The following NTM variants were observed in gnomAD, a reference collection of about 807,000 sequenced individuals.
NTM encodes the protein neurotrimin.
NTM carries 13 observed loss-of-function variants against 42.1 expected under a neutral mutation model. That is an observed-to-expected ratio of 0.31 (90% CI 0.20 to 0.49). The LOEUF (loss-of-function observed/expected upper bound fraction) is 0.49, where lower values mean the gene tolerates loss of function less well. Ranked by LOEUF, NTM falls within the 20% of genes least tolerant of loss-of-function variation. The pLI is 0.99. For missense variants in NTM, 373 were observed against 452.8 expected, an observed-to-expected ratio of 0.82 and a Z score of 1.60; for synonymous variants, 187 against 179.2, an observed-to-expected ratio of 1.04 and a Z score of -0.35.
At chr11:131,870,177 C>T (rs887716854) in intron 1 of NTM, among the ~76,000 whole-genome samples, 1 of 152,142 alleles carries the variant, frequency 6.6e-6, no homozygotes, top group Non-Finnish European at 1.5e-5. Flanking sequence ...AAAATAGTTC[C>T]ATGCTGAAGT....
intron 2 of NTM, among the ~76,000 whole-genome samples, chr11:131,954,629 C>CTT (rs34845794): frequency 6.0e-4 from 90 of 151,232 alleles, no homozygotes; most frequent in African/African-American, 1.2e-3. Context: ...TTATAGAATA[C>CTT]TTTTTTTTTA....
chr11:131,453,017 C>T (rs1950600252), intron 1 of NTM, among the ~76,000 whole-genome samples: 1 of 152,186 alleles, frequency 6.6e-6, no homozygotes, highest in Non-Finnish European at 1.5e-5. Context: ...TCTCCCAAAA[C>T]CGTATTTCCA....
chr11:131,727,406 G>T (rs1005929541), intron 1 of NTM, among the ~76,000 whole-genome samples: 1 of 152,130 alleles, frequency 6.6e-6, no homozygotes, highest in Non-Finnish European at 1.5e-5. Flanking sequence ...ACAGCTGCTG[G>T]GACAGCTACA....
intron 2 of NTM, among the ~76,000 whole-genome samples, chr11:132,001,552 G>T (rs2069235729): frequency 6.6e-6 from 1 of 152,106 alleles, no homozygotes; most frequent in Non-Finnish European, 1.5e-5. Flanking sequence ...GGGGAAGCAA[G>T]TATCTCCACA....
intron 7 of NTM, chr11:132,317,620 AT>A (rs2095465092): frequency 2.3e-6 from 3 of 1,281,422 alleles, no homozygotes; most frequent in Non-Finnish European, 2.1e-6. Context: ...GTTTGTTCTC[AT>A]TTTTCTCTCC....
intron 4 of NTM, among the ~76,000 whole-genome samples, chr11:132,290,949 T>C (rs191506286): frequency 1.9e-4 from 29 of 152,234 alleles, no homozygotes; most frequent in African/African-American, 6.7e-4. Flanking sequence ...GAATTATGAG[T>C]TGTTTCCGTT....
chr11:131,967,452 G>A (rs55898034), intron 2 of NTM, among the ~76,000 whole-genome samples: 22,558 of 151,990 alleles, frequency 0.15, 2,045 homozygotes, highest in East Asian at 0.44. Context: ...CAGAGACCAC[G>A]CTGAGGTCAT....
intron 1 of NTM, among the ~76,000 whole-genome samples, chr11:131,657,265 G>A (rs1051778045): frequency 5.9e-5 from 9 of 152,148 alleles, no homozygotes; most frequent in Non-Finnish European, 8.8e-5. Flanking sequence ...TGAGCCCTTT[G>A]GAGAGGAAAG....
chr11:132,243,556 G>A (rs1470109313), intron 4 of NTM, among the ~76,000 whole-genome samples: 3 of 152,134 alleles, frequency 2.0e-5, no homozygotes, highest in Admixed American at 1.3e-4. Context: ...CATTGAAGGG[G>A]AACAGAGAAG....
chr11:131,786,482 T>C (rs10894445), intron 1 of NTM, among the ~76,000 whole-genome samples: 61,466 of 151,828 alleles, frequency 0.4, 12,699 homozygotes, highest in East Asian at 0.57. Context: ...TCAACAGAGG[T>C]TGGAGGAAAG....
At chr11:131,623,668 C>T (rs905280476) in intron 1 of NTM, among the ~76,000 whole-genome samples, 2 of 152,210 alleles carry the variant, frequency 1.3e-5, no homozygotes, top group African/African-American at 4.8e-5. Flanking sequence ...AGTGCGCCTG[C>T]CTGGAGTGAC....
At chr11:132,125,065 T>C (rs1373916702) in intron 2 of NTM, among the ~76,000 whole-genome samples, 1 of 152,102 alleles carries the variant, frequency 6.6e-6, no homozygotes. Flanking sequence ...AGCACAACCT[T>C]CCCAGACACA....
intron 4 of NTM, among the ~76,000 whole-genome samples, chr11:132,276,997 G>C (rs998474591): frequency 7.9e-5 from 12 of 152,090 alleles, no homozygotes; most frequent in African/African-American, 2.9e-4. Flanking sequence ...ATTTTTTTAT[G>C]TTGATTTTGC....
intron 8 of NTM, among the ~76,000 whole-genome samples, chr11:132,330,576 T>TCTAA (rs2095784548): frequency 6.6e-6 from 1 of 151,960 alleles, no homozygotes; most frequent in Non-Finnish European, 1.5e-5. Context: ...TTTCTATCTC[T>TCTAA]CTAACTTGGA....
At chr11:131,488,140 C>T (rs990349510) in intron 1 of NTM, among the ~76,000 whole-genome samples, 1 of 152,316 alleles carries the variant, frequency 6.6e-6, no homozygotes, top group East Asian at 1.9e-4. Flanking sequence ...GCTTCAGGGG[C>T]TTTTCCCATT....
At chr11:132,040,720 G>T (rs540935092) in intron 2 of NTM, among the ~76,000 whole-genome samples, 3 of 152,134 alleles carry the variant, frequency 2.0e-5, no homozygotes, top group Non-Finnish European at 2.9e-5. Context: ...AACAAAGCCC[G>T]CTCTGCTCTC....
chr11:131,861,687 G>T (rs1342410358), intron 1 of NTM, among the ~76,000 whole-genome samples: 1 of 152,024 alleles, frequency 6.6e-6, no homozygotes, highest in Non-Finnish European at 1.5e-5. Context: ...AGCACATGCT[G>T]CCCCTGAGGT....
At chr11:131,601,166 C>T (rs1476953349) in intron 1 of NTM, among the ~76,000 whole-genome samples, 2 of 152,326 alleles carry the variant, frequency 1.3e-5, no homozygotes, top group East Asian at 1.9e-4. Context: ...CAACCTCAAC[C>T]TCTGATTTGG....
intron 2 of NTM, among the ~76,000 whole-genome samples, chr11:132,047,327 A>G (rs1249824956): frequency 1.3e-5 from 2 of 152,244 alleles, no homozygotes; most frequent in Non-Finnish European, 2.9e-5. Flanking sequence ...AATTCTGAAT[A>G]TCCCTTATGA....
Sources: allele counts gnomAD v4.1 joint callset (sites outside exome capture counted in the v4.1 genomes callset), GRCh38; gene constraint gnomAD v4.1.1; transcripts MANE v1.5; gene names NCBI Gene and HGNC (gene_info 2026-07-23, HGNC 2026-07-21).